FRMD3: variants seen among roughly 807,000 people sequenced by gnomAD.
FRMD3 encodes the protein FERM domain-containing protein 3.
FRMD3 carries 33 observed loss-of-function variants against 70.2 expected under a neutral mutation model. That is an observed-to-expected ratio of 0.47 (90% CI 0.36 to 0.63). The LOEUF (loss-of-function observed/expected upper bound fraction) is 0.63. FRMD3 is among the 20% of genes least tolerant of loss of function. The probability of loss-of-function intolerance (pLI) is 0.00; values close to 1 mark genes in which losing one functional copy is unlikely to be tolerated. For missense variants in FRMD3, 632 were observed against 711.4 expected (o/e 0.89, Z 1.27); for synonymous variants, 279 against 255.9 (o/e 1.09, Z -0.86).
Position 83,388,936 on chromosome 9 carries a change from C to T in FRMD3, c.252+668G>A, listed in dbSNP as rs565182482. On this transcript the variant is annotated intron_variant, in intron 2 of 13. Transcript: ENST00000304195. Reference sequence around the variant, plus strand: ...GTTATTTCTCAATTACTCTTCCTACCAATAGCTTTTTTTTTTTTTTTTTTT... The same window carrying T: ...GTTATTTCTCAATTACTCTTCCTACTAATAGCTTTTTTTTTTTTTTTTTTT... Among the ~76,000 whole-genome samples the T allele has an allele frequency of 8.1e-5, 12 of 148,982 alleles. No individual in the cohort carries two copies. The South Asian group carries it at 2.3e-3, about 29-fold the overall frequency.
the FRMD3 span, among the ~76,000 whole-genome samples, chr9:83,568,676 G>T: frequency 6.7e-6 from 1 of 148,438 alleles, no homozygotes; most frequent in Non-Finnish European, 1.5e-5. Context: ...CTGATCAAAA[G>T]GTATAAAGTT....
At chr9:83,507,348 C>T (rs1829206739) in intron 1 of FRMD3, among the ~76,000 whole-genome samples, 1 of 107,480 alleles carries the variant, frequency 9.3e-6, no homozygotes, top group Admixed American at 1.4e-4. Flanking sequence ...GCCTGGGCAA[C>T]AGAGCAAGAC....
downstream of FRMD3, chr9:83,243,246 A>G: frequency 1.3e-6 from 2 of 1,549,220 alleles, no homozygotes; most frequent in Non-Finnish European, 8.7e-7. Context: ...CCAAGAGAAA[A>G]GGAGAGAGGG....
intron 2 of FRMD3, among the ~76,000 whole-genome samples, chr9:83,380,900 A>G (rs563859138): frequency 1.3e-5 from 2 of 152,308 alleles, no homozygotes; most frequent in South Asian, 2.1e-4. Flanking sequence ...TTTCACCTCA[A>G]TAGTAACCAG....
At chr9:83,301,987 A>C (rs558587002) in intron 10 of FRMD3, among the ~76,000 whole-genome samples, 2 of 152,286 alleles carry the variant, frequency 1.3e-5, no homozygotes, top group Admixed American at 6.5e-5. Context: ...TGCCCTCCCA[A>C]ATGTCCAGGT....
intron 1 of FRMD3, among the ~76,000 whole-genome samples, chr9:83,410,851 A>G (rs533897789): frequency 2.6e-5 from 4 of 152,338 alleles, no homozygotes; most frequent in Admixed American, 2.6e-4. Flanking sequence ...TAAAAGCAAC[A>G]TATTTGCTCT....
the FRMD3 span, among the ~76,000 whole-genome samples, chr9:83,567,092 T>C: frequency 2.0e-5 from 3 of 152,332 alleles, no homozygotes; most frequent in East Asian, 5.8e-4. Context: ...ATCCAGACAT[T>C]TCCATACATC....
intron 1 of FRMD3, among the ~76,000 whole-genome samples, chr9:83,443,725 C>T (rs143430243): frequency 3.3e-5 from 5 of 152,282 alleles, no homozygotes; most frequent in African/African-American, 1.2e-4. Context: ...CACTGTCCCC[C>T]ACAATTGTTG....
chr9:83,395,367 C>A (rs1374919930), intron 1 of FRMD3, among the ~76,000 whole-genome samples: 1 of 151,354 alleles, frequency 6.6e-6, no homozygotes, highest in African/African-American at 2.4e-5. Context: ...GGTACATGTG[C>A]AGGTTCGTTA....
chr9:83,579,656 A>G, the FRMD3 span, among the ~76,000 whole-genome samples: 9,731 of 152,120 alleles, frequency 0.064, 1,021 homozygotes, highest in African/African-American at 0.22. Context: ...AGACTTAAAC[A>G]TAAAACCTGG....
chr9:83,335,050 T>C (rs1823531119), intron 6 of FRMD3, among the ~76,000 whole-genome samples: 1 of 152,086 alleles, frequency 6.6e-6, no homozygotes, highest in Non-Finnish European at 1.5e-5. Context: ...GCATCGCAGG[T>C]GAGAAAAAGA....
intron 13 of FRMD3, among the ~76,000 whole-genome samples, chr9:83,255,161 A>G (rs1393890545): frequency 1.3e-5 from 2 of 152,206 alleles, no homozygotes; most frequent in Non-Finnish European, 2.9e-5. Flanking sequence ...ATCCAGCAGC[A>G]TATCGAAAGG....
At chr9:83,296,274 T>C (rs1834657979) in intron 12 of FRMD3, among the ~76,000 whole-genome samples, 1 of 152,204 alleles carries the variant, frequency 6.6e-6, no homozygotes, top group African/African-American at 2.4e-5. Flanking sequence ...CACACATCAC[T>C]ATGGCTTTGA....
chr9:83,581,884 G>A, the FRMD3 span, among the ~76,000 whole-genome samples: 6 of 152,194 alleles, frequency 3.9e-5, no homozygotes, highest in African/African-American at 1.4e-4. Flanking sequence ...ATAGCCGGCA[G>A]AGTGGTTGGG....
Position 83,298,759 on chromosome 9 carries a change from A to G in FRMD3, c.1059T>C (p.Pro353=). Residue 353 remains proline, a synonymous_variant, in exon 12 of 14, where the codon CCT becomes CCC. Transcript: ENST00000304195. ...EASSKIQREP[P]EVHRANITQS... The stretch of plus-strand genomic sequence containing the variant: ...GATCATCCACTCACCTGTGCACCTC[A>G]GGAGGCTCCCTCTGGATCTTGGAAC... 6.2e-7 allele frequency: 1 copy of G among 1,614,166 alleles called. No homozygotes were observed. The highest frequency in any genetic ancestry group is 8.5e-7 in the Non-Finnish European group (1 of 1,179,972).
chr9:83,263,452 G>C (rs996225696), intron 13 of FRMD3, among the ~76,000 whole-genome samples: 1 of 152,050 alleles, frequency 6.6e-6, no homozygotes, highest in Non-Finnish European at 1.5e-5. Context: ...ATATCTACTA[G>C]AGAATTGTAG....
intron 1 of FRMD3, among the ~76,000 whole-genome samples, chr9:83,476,607 G>A (rs533686385): frequency 2.0e-5 from 3 of 152,234 alleles, no homozygotes; most frequent in South Asian, 4.2e-4. Context: ...AGTTGAGATC[G>A]GGTAGATAAA....
intron 1 of FRMD3, among the ~76,000 whole-genome samples, chr9:83,406,641 G>A (rs1479172764): frequency 6.6e-6 from 1 of 152,164 alleles, no homozygotes; most frequent in Non-Finnish European, 1.5e-5. Context: ...CACGAGTGCT[G>A]CTCCCCCAAG....
intron 13 of FRMD3, among the ~76,000 whole-genome samples, chr9:83,285,941 G>A (rs1587678726): frequency 6.6e-6 from 1 of 152,144 alleles, no homozygotes; most frequent in East Asian, 1.9e-4. Context: ...CAACTTTTGG[G>A]TGGGCTTTGA....
Sources: allele counts gnomAD v4.1 joint callset (sites outside exome capture counted in the v4.1 genomes callset), GRCh38; gene constraint gnomAD v4.1.1; transcripts MANE v1.5; gene names NCBI Gene and HGNC (gene_info 2026-07-23, HGNC 2026-07-21).